The following SORCS3 variants were observed in gnomAD, a reference collection of about 807,000 sequenced individuals.
SORCS3 encodes the protein sortilin related VPS10 domain containing receptor 3.
SORCS3 carries 57 observed loss-of-function variants against 146.3 expected under a neutral mutation model. The ratio of observed to expected loss-of-function variants is 0.39; its 90% CI spans 0.31 to 0.49. The LOEUF (loss-of-function observed/expected upper bound fraction) is 0.49, where lower values mean the gene tolerates loss of function less well. Among genes scored for constraint, SORCS3 ranks in the 20% least tolerant of loss-of-function variants. The probability of loss-of-function intolerance (pLI) is 0.92; values close to 1 mark genes in which losing one functional copy is unlikely to be tolerated. For missense variants in SORCS3, 1,341 were observed against 1,575.5 expected (o/e 0.85, Z 2.52); for synonymous variants, 653 against 618.5 (o/e 1.06, Z -0.83).
intron 1 of SORCS3, among the ~76,000 whole-genome samples, chr10:104,786,407 G>A (rs2017436557): frequency 6.6e-6 from 1 of 151,932 alleles, no homozygotes; most frequent in Non-Finnish European, 1.5e-5. Flanking sequence ...AATTAGCCAG[G>A]TGTGGTGGCA....
At chr10:105,055,647 G>C (rs1589611720) in intron 5 of SORCS3, among the ~76,000 whole-genome samples, 1 of 152,120 alleles carries the variant, frequency 6.6e-6, no homozygotes, top group East Asian at 1.9e-4. Context: ...GACTATCCTT[G>C]TTAATTTGGT....
Position 105,216,943 on chromosome 10 carries a change from T to G in SORCS3, c.2555T>G (p.Leu852Arg). ...TFIILMEEGDLQRTNIQLDFG... is the reference protein window; with the variant it reads ...TFIILMEEGDRQRTNIQLDFG... ...TGCTATGCCATCTTGCAGGGTGATC[T>G]ACAAAGGACAAACATCCAGCTTGAC... The change falls in exon 19 of 27, where the codon CTA (leucine) becomes CGA (arginine). Residue 852 changes from leucine (L) to arginine (R), a missense_variant. By Grantham distance (102) the Leu-to-Arg change is moderately radical (BLOSUM62 -2). Coordinates refer to ENST00000369701, the MANE Select transcript of SORCS3 (RefSeq NM_014978.3). The G allele has an allele frequency of 6.2e-7, 1 of 1,614,190 alleles. No homozygotes were observed.
intron 3 of SORCS3, 23 bp downstream of exon 3, chr10:104,915,955 C>T: frequency 1.3e-6 from 2 of 1,551,492 alleles, no homozygotes; most frequent in Non-Finnish European, 1.8e-6. Flanking sequence ...GTCAGTAGGT[C>T]CTGAGCACTC....
At chr10:104,825,632 C>T (rs2017926248) in intron 1 of SORCS3, among the ~76,000 whole-genome samples, 2 of 152,108 alleles carry the variant, frequency 1.3e-5, no homozygotes. Flanking sequence ...GCTCAGACTC[C>T]TACCTAATGG....
chr10:104,697,759 C>A (rs1170754736), intron 1 of SORCS3, among the ~76,000 whole-genome samples: 1 of 152,138 alleles, frequency 6.6e-6, no homozygotes, highest in East Asian at 1.9e-4. Context: ...GGTGCTGAGC[C>A]TCCAACATGT....
At chr10:104,652,074 T>C (rs916137816) in intron 1 of SORCS3, among the ~76,000 whole-genome samples, 46 of 151,978 alleles carry the variant, frequency 3.0e-4, no homozygotes, top group Middle Eastern at 3.4e-3. Flanking sequence ...TGTGTGTGTG[T>C]GTGTGTGTGT....
At chr10:105,180,229 C>T (rs1004055968) in intron 14 of SORCS3, among the ~76,000 whole-genome samples, 5 of 152,128 alleles carry the variant, frequency 3.3e-5, no homozygotes, top group Non-Finnish European at 5.9e-5. Flanking sequence ...CAGAGGAAAA[C>T]GAAGAATTCA....
chr10:105,243,303 T>C (rs192347720), intron 20 of SORCS3, among the ~76,000 whole-genome samples: 1 of 151,932 alleles, frequency 6.6e-6, no homozygotes, highest in Non-Finnish European at 1.5e-5. Context: ...GATAAAGAAG[T>C]AAAGGCCAGA....
At chr10:105,205,171 TC>T (rs2056595473) in intron 16 of SORCS3, among the ~76,000 whole-genome samples, 1 of 151,966 alleles carries the variant, frequency 6.6e-6, no homozygotes, top group South Asian at 2.1e-4. Flanking sequence ...CCTAGTTCAG[TC>T]AGTTTGGGAG....
chr10:105,217,850 G>T (rs747200115), intron 19 of SORCS3: 1 of 453,886 alleles, frequency 2.2e-6, no homozygotes, highest in Non-Finnish European at 4.4e-6. Context: ...TTAGGATGTC[G>T]GGTCGAGGAA....
intron 2 of SORCS3, among the ~76,000 whole-genome samples, chr10:104,851,313 C>G (rs1351452221): frequency 6.6e-6 from 1 of 152,180 alleles, no homozygotes; most frequent in Non-Finnish European, 1.5e-5. Flanking sequence ...GAGAATGTAA[C>G]ACTTTTCTAT....
At chr10:104,691,785 G>T (rs2016115652) in intron 1 of SORCS3, among the ~76,000 whole-genome samples, 1 of 152,096 alleles carries the variant, frequency 6.6e-6, no homozygotes, top group Admixed American at 6.5e-5. Context: ...CTGCCACCCA[G>T]GCTGGAGTGC....
At chr10:104,885,737 A>G (rs12779433) in intron 2 of SORCS3, among the ~76,000 whole-genome samples, 7,996 of 152,260 alleles carry the variant, frequency 0.053, 244 homozygotes, top group Middle Eastern at 0.13. Flanking sequence ...TATGATGACT[A>G]TCCCATTATT....
At chr10:105,168,606 A>C (rs891396607) in intron 13 of SORCS3, among the ~76,000 whole-genome samples, 1 of 152,146 alleles carries the variant, frequency 6.6e-6, no homozygotes, top group African/African-American at 2.4e-5. Flanking sequence ...GTTTAGAGTA[A>C]GAATTTTACT....
At chr10:105,110,045 G>C (rs2055849343) in intron 7 of SORCS3, among the ~76,000 whole-genome samples, 1 of 151,938 alleles carries the variant, frequency 6.6e-6, no homozygotes, top group Admixed American at 6.6e-5. Context: ...AAAGACAAAA[G>C]AGAGCCATAA....
chr10:105,054,097 G>A (rs1309158653), intron 5 of SORCS3, among the ~76,000 whole-genome samples: 2 of 151,834 alleles, frequency 1.3e-5, no homozygotes, highest in Non-Finnish European at 2.9e-5. Flanking sequence ...ACATGCTTTC[G>A]TGTATTTATT....
At chr10:104,794,650 A>G (rs2017532818) in intron 1 of SORCS3, among the ~76,000 whole-genome samples, 1 of 151,486 alleles carries the variant, frequency 6.6e-6, no homozygotes, top group Admixed American at 6.6e-5. Context: ...AGAGAGAGAG[A>G]GAGAGAGAGA....
intron 1 of SORCS3, among the ~76,000 whole-genome samples, chr10:104,777,068 G>A (rs952923025): frequency 1.3e-5 from 2 of 152,094 alleles, no homozygotes; most frequent in Admixed American, 6.5e-5. Context: ...GGTACCTCTT[G>A]CGCTGCAGGT....
chr10:104,893,489 A>T (rs1285895214), intron 2 of SORCS3, among the ~76,000 whole-genome samples: 1 of 152,090 alleles, frequency 6.6e-6, no homozygotes. Context: ...CTCCAGTTTG[A>T]TTTCACTTGT....
Sources: gnomAD v4.1 joint callset for allele counts (sites outside exome capture counted in the v4.1 genomes callset) on GRCh38, gnomAD v4.1.1 for gene constraint, MANE v1.5 for transcripts, NCBI Gene and HGNC (gene_info 2026-07-23, HGNC 2026-07-21) for gene names.